LGALS9: variants seen among roughly 807,000 people sequenced by gnomAD.
LGALS9 encodes galectin-9.
A neutral mutation model predicts 35.9 loss-of-function variants in LGALS9; 26 were observed. The observed-to-expected ratio is 0.72, with a 90% CI of 0.53 to 1.01. The LOEUF (loss-of-function observed/expected upper bound fraction) is 1.01, where lower values mean the gene tolerates loss of function less well. LGALS9 is among the 50% of genes least tolerant of loss of function. The pLI is 0.00. For synonymous variants in LGALS9, 149 were observed against 172.2 expected, an observed-to-expected ratio of 0.87 and a Z score of 1.06; for missense variants, 347 against 445.8, an observed-to-expected ratio of 0.78 and a Z score of 1.99.
chr17:27,635,665 A>G (rs2074441675), intron 1 of LGALS9, among the ~76,000 whole-genome samples: 1 of 151,962 alleles, frequency 6.6e-6, no homozygotes, highest in East Asian at 1.9e-4. Flanking sequence ...TTGCCAGCCC[A>G]TGTCCATCAC....
chr17:27,641,766 G>C (rs1904521102), intron 3 of LGALS9, among the ~76,000 whole-genome samples: 1 of 152,036 alleles, frequency 6.6e-6, no homozygotes, highest in African/African-American at 2.4e-5. Flanking sequence ...TTCAGGTCAG[G>C]AGTCCAAGAC....
chr17:27,631,625 C>T (rs1408728662), intron 1 of LGALS9, among the ~76,000 whole-genome samples: 1 of 152,138 alleles, frequency 6.6e-6, no homozygotes, highest in Non-Finnish European at 1.5e-5. Flanking sequence ...AAGCACGCTT[C>T]TGGGACAGTA....
At chr17:27,633,053 G>A (rs539477635) in intron 1 of LGALS9, among the ~76,000 whole-genome samples, 2 of 152,344 alleles carry the variant, frequency 1.3e-5, no homozygotes, top group South Asian at 4.1e-4. Context: ...ACCACGTGCT[G>A]TGTGGTCCAG....
Position 27,640,689 on chromosome 17 carries a change from G to A in LGALS9, c.249G>A (p.Gly83=). The A allele has an allele frequency of 2.5e-6, 4 of 1,614,240 alleles. No individual in the cohort carries two copies. Among genetic ancestry groups the A allele is most frequent in the South Asian group, 1.1e-5 (1 of 91,088 alleles). Residue 83 remains glycine (G), a synonymous_variant, in exon 3 of 11, where the codon GGG becomes GGA. Coordinates refer to ENST00000395473, the MANE Select transcript of LGALS9 (RefSeq NM_009587.3). ...ACACGAGGCAGAACGGAAGCTGGGG[G>A]CCCGAGGAGAGGAAGACACACATGC... ...VCNTRQNGSW[G]PEERKTHMPF... is the part of the protein sequence containing the mutation.
chr17:27,632,614 T>C (rs1341239817), intron 1 of LGALS9, among the ~76,000 whole-genome samples: 1 of 152,134 alleles, frequency 6.6e-6, no homozygotes, highest in African/African-American at 2.4e-5. Context: ...ACCCTGTCTC[T>C]GGTTTTCTGT....
chr17:27,645,898 G>T lies in LGALS9; in HGVS notation c.614G>T (p.Gly205Val). 3 of 1,595,602 alleles carry T rather than the reference G, an allele frequency of 1.9e-6. No homozygotes were observed. Among genetic ancestry groups the T allele is most frequent in the Non-Finnish European group, 2.6e-6 (3 of 1,166,212 alleles). ...TVIHTVQSAP[G>V]QMFSTPAIPP... ...ATCCACACAGTGCAGAGCGCCCCTG[G>T]ACAGATGTTCTCTGTAAGTCTACAA... The change falls in exon 7 of 11, where the codon GGA becomes GTA. Residue 205 changes from glycine to valine, a missense_variant. Gly to Val is a moderately radical substitution (Grantham distance 109). Coordinates refer to ENST00000395473, the MANE Select transcript of LGALS9 (RefSeq NM_009587.3).
At chr17:27,632,125 T>G (rs930569695) in intron 1 of LGALS9, among the ~76,000 whole-genome samples, 45 of 151,570 alleles carry the variant, frequency 3.0e-4, no homozygotes, top group Admixed American at 7.9e-4. Context: ...CAGATGGGAG[T>G]GGCAGCCCCA....
rs1252134893 is a variant in LGALS9 at position 27,637,370 on chromosome 17, G to C, written c.40-893G>C. Among the ~76,000 whole-genome samples, 5 of 152,334 alleles carry C rather than the reference G, an allele frequency of 3.3e-5. No individual in the cohort carries two copies. The South Asian group carries it at 6.2e-4, about 19-fold the overall frequency. ...ACAGATGAGGAAACTGAGGCACAGAGAGGTGAAATAGGCTTCCCAAGGTCA... is the reference window on the plus strand; with the variant it reads ...ACAGATGAGGAAACTGAGGCACAGACAGGTGAAATAGGCTTCCCAAGGTCA... On this transcript the variant is annotated intron_variant, in intron 1 of 10. Coordinates refer to ENST00000395473, the MANE Select transcript of LGALS9 (RefSeq NM_009587.3).
At chr17:27,648,527 G>A (rs1905097327) in intron 10 of LGALS9, among the ~76,000 whole-genome samples, 1 of 152,150 alleles carries the variant, frequency 6.6e-6, no homozygotes, top group Non-Finnish European at 1.5e-5. Context: ...GACAAGTTAG[G>A]AGACTGATGC....
chr17:27,640,685 G>T lies in LGALS9; in HGVS notation c.245G>T (p.Trp82Leu). The change falls in exon 3 of 11, where the codon TGG (tryptophan) becomes TTG (leucine). Residue 82 changes from tryptophan (W) to leucine (L), a missense_variant. Physicochemically the swap from Trp to Leu is moderately conservative, Grantham distance 61. Transcript: ENST00000395473. ...TGCAACACGAGGCAGAACGGAAGCT[G>T]GGGGCCCGAGGAGAGGAAGACACAC... ...VVCNTRQNGS[W>L]GPEERKTHMP... The T allele has an allele frequency of 6.2e-7, 1 of 1,614,214 alleles. No homozygotes were observed. The highest frequency in any genetic ancestry group is 8.5e-7 in the Non-Finnish European group (1 of 1,180,032).
intron 2 of LGALS9, chr17:27,638,640 A>C (rs1364682403): frequency 5.3e-6 from 2 of 379,092 alleles, no homozygotes; most frequent in African/African-American, 4.1e-5. Context: ...TCTGGGTTGA[A>C]CCTTGCACAC....
chr17:27,639,364 C>A (rs1346891739), intron 2 of LGALS9, among the ~76,000 whole-genome samples: 6 of 151,998 alleles, frequency 3.9e-5, no homozygotes, highest in Non-Finnish European at 8.8e-5. Context: ...CCCCACCCCC[C>A]AGCACCAGGA....
At chr17:27,646,142 G>A (rs542968004) in intron 7 of LGALS9, among the ~76,000 whole-genome samples, 42 of 152,230 alleles carry the variant, frequency 2.8e-4, no homozygotes, top group Non-Finnish European at 5.1e-4. Flanking sequence ...GTCCCCTAGA[G>A]ACCGGGAGGG....
intron 3 of LGALS9, 95 bp downstream of exon 3, chr17:27,640,868 CAG>C: frequency 1.3e-6 from 2 of 1,532,170 alleles, no homozygotes; most frequent in South Asian, 1.2e-5. Flanking sequence ...GACATTCAGC[CAG>C]AGTGACACCA....
intron 1 of LGALS9, among the ~76,000 whole-genome samples, chr17:27,632,676 G>A (rs1179618025): frequency 6.6e-6 from 1 of 152,214 alleles, no homozygotes; most frequent in African/African-American, 2.4e-5. Flanking sequence ...TATTATTCTG[G>A]TGACTGGTTT....
Position 27,631,406 on chromosome 17 carries a change from G to A in LGALS9, c.39+102G>A, listed in dbSNP as rs2074391781. ...TGGGTGGCAGGGGATGGGGGTGGGG[G>A]CATCCCAAAGAGAACACAAGCAGGG... is the stretch of plus-strand genomic sequence containing the variant. On this transcript the variant is annotated intron_variant, in intron 1 of 10. Transcript: ENST00000395473. 6.1e-6 allele frequency: 9 copies of A among 1,464,262 alleles called. No homozygotes were observed. In the South Asian group the frequency reaches 9.3e-5, roughly 15 times the overall value. The allele number at this position is 1,464,262 out of a possible 1,614,324, so 90.7% of individuals were successfully genotyped here. A position where few individuals can be genotyped will look rare whatever the true frequency, so the allele number is the denominator to read the frequency against.
At chr17:27,646,922 A>T (rs566341754) in intron 8 of LGALS9, 108 bp from the exon 9 acceptor site, 3 of 1,514,662 alleles carry the variant, frequency 2.0e-6, no homozygotes, top group Non-Finnish European at 2.7e-6. Context: ...TTATGGAACC[A>T]AGTAAAGATA....
rs150767122 is a variant in LGALS9 at position 27,645,891 on chromosome 17, G to A, written c.607G>A (p.Ala203Thr). Reference protein sequence around the residue: ...TQTVIHTVQSAPGQMFSTPAI... With the variant: ...TQTVIHTVQSTPGQMFSTPAI... ...GACAGTCATCCACACAGTGCAGAGC[G>A]CCCCTGGACAGATGTTCTCTGTAAG... Residue 203 changes from alanine (A) to threonine (T), a missense_variant, in exon 7 of 11, where the codon GCC becomes ACC. Coordinates refer to ENST00000395473, the MANE Select transcript of LGALS9 (RefSeq NM_009587.3). 2.2e-4 allele frequency: 343 copies of A among 1,591,716 alleles called. 1 individual carries two copies. The African/African-American group carries it at 3.6e-3, about 17-fold the overall frequency.
chr17:27,633,545 G>A (rs1406085388), intron 1 of LGALS9, among the ~76,000 whole-genome samples: 1 of 152,244 alleles, frequency 6.6e-6, no homozygotes, highest in Non-Finnish European at 1.5e-5. Context: ...GTCCTCTGGT[G>A]ATGCTGAGTC....
Sources: allele counts gnomAD v4.1 joint callset (sites outside exome capture counted in the v4.1 genomes callset), GRCh38; gene constraint gnomAD v4.1.1; transcripts MANE v1.5; gene names NCBI Gene and HGNC (gene_info 2026-07-23, HGNC 2026-07-21).